The following IFT122 variants were observed in gnomAD, a reference collection of about 807,000 sequenced individuals.
The protein encoded by IFT122 is intraflagellar transport protein 122 homolog.
IFT122 carries 118 observed loss-of-function variants against 161.6 expected under a neutral mutation model. That is an observed-to-expected ratio of 0.73 (90% CI 0.63 to 0.85). The LOEUF (loss-of-function observed/expected upper bound fraction) is 0.85. IFT122 is among the 40% of genes least tolerant of loss of function. IFT122 has a pLI of 0.00. For missense variants in IFT122, 1,381 were observed against 1,579.6 expected (o/e 0.87, Z 2.13); for synonymous variants, 550 against 602.4 (o/e 0.91, Z 1.27).
At chr3:129,491,236 A>C (rs1174655489) in intron 16 of IFT122, among the ~76,000 whole-genome samples, 1 of 152,182 alleles carries the variant, frequency 6.6e-6, no homozygotes, top group Admixed American at 6.5e-5. Context: ...CATGCTGCTG[A>C]GCAGAGGCTG....
At chr3:129,478,290 C>T (rs745679505) in intron 12 of IFT122, 72 bp downstream of exon 12, 19 of 1,319,270 alleles carry the variant, frequency 1.4e-5, no homozygotes, top group Non-Finnish European at 2.1e-5. Context: ...AGGGTGCCCA[C>T]CTCATGGTTT....
At chr3:129,449,839 C>T (rs766189629) in intron 1 of IFT122, 32 bp from the exon 2 acceptor site, 1 of 1,522,874 alleles carries the variant, frequency 6.6e-7, no homozygotes, top group Non-Finnish European at 9.1e-7. Flanking sequence ...ATTTTGGTTC[C>T]TAATTGTCTT....
chr3:129,511,745 A>G (rs1221552243), intron 23 of IFT122, among the ~76,000 whole-genome samples: 1 of 152,080 alleles, frequency 6.6e-6, no homozygotes, highest in Non-Finnish European at 1.5e-5. Flanking sequence ...CAGTTGAGGA[A>G]CTCCGCATGT....
At chr3:129,494,141 T>C (rs2080527303) in intron 17 of IFT122, among the ~76,000 whole-genome samples, 1 of 152,284 alleles carries the variant, frequency 6.6e-6, no homozygotes, top group South Asian at 2.1e-4. Context: ...TTATTGGTCA[T>C]GGTGATATCC....
At chr3:129,461,615 C>A in intron 5 of IFT122, 1 of 427,330 alleles carries the variant, frequency 2.3e-6, no homozygotes, top group Non-Finnish European at 4.4e-6. Flanking sequence ...CTTGGTGTTG[C>A]TGCCTCTGGG....
chr3:129,465,675 G>T (rs1436019002), intron 7 of IFT122, among the ~76,000 whole-genome samples: 2 of 84,774 alleles, frequency 2.4e-5, no homozygotes. Flanking sequence ...TCGCTCTGTC[G>T]CCCAGGCCGG....
rs748049791 is a variant in IFT122, at chr3:129,478,019, G to A, written c.1151G>A (p.Arg384Gln). ...TAGATATTTTTTTCTTTGACAGTTC[G>A]GATTAAATGCAAAGAGCTTGTCAAG... The part of the protein sequence containing the change: ...VQHLITEQKV[R>Q]IKCKELVKKI... The change falls in exon 12 of 30, where the codon CGG becomes CAG. Residue 384 changes from arginine (R) to glutamine (Q), a missense_variant. Transcript: ENST00000348417. The A allele has an allele frequency of 6.2e-6, 10 of 1,613,586 alleles. No homozygotes were observed. Among genetic ancestry groups the A allele is most frequent in the East Asian group, 2.2e-5 (1 of 44,896 alleles).
chr3:129,495,995 G>A lies in IFT122; in HGVS notation c.2208+388G>A, dbSNP rs186977677. On this transcript the variant is annotated intron_variant, in intron 18 of 29. Coordinates refer to ENST00000348417, the MANE Select transcript of IFT122 (RefSeq NM_052989.3). ...GTGTCTTCAGGCAGGAGCCGGTCCT[G>A]CCGATCATGCAGGACGACATGGTGC... Among the ~76,000 whole-genome samples the A allele has an allele frequency of 5.1e-3, 780 of 152,358 alleles. 4 individuals are homozygous for A. The highest frequency in any genetic ancestry group is 8.3e-3 in the Non-Finnish European group (565 of 68,026).
At chr3:129,514,695 C>T in intron 25 of IFT122, 141 bp downstream of exon 25, 1 of 954,178 alleles carries the variant, frequency 1.0e-6, no homozygotes, top group Non-Finnish European at 1.6e-6. Flanking sequence ...CAAGCCTGGC[C>T]ATGCCAGCTC....
At position 129,443,526 on chromosome 3, in the gene IFT122, T is replaced by C. The variant is rs12107431; in HGVS notation, c.41+3155T>C. Among the ~76,000 whole-genome samples, 976 of 152,370 alleles carry C rather than the reference T, an allele frequency of 6.4e-3. 13 individuals carry two copies. The highest frequency in any genetic ancestry group is 0.02 in the African/African-American group (851 of 41,588). ...GCCCTGATGGGCCAGATGGACTGCATGACAAGGTCTAGAGTCCTTTCCAAT... is the reference window on the plus strand; with the variant it reads ...GCCCTGATGGGCCAGATGGACTGCACGACAAGGTCTAGAGTCCTTTCCAAT... On this transcript the variant is annotated intron_variant, in intron 1 of 29. Coordinates refer to ENST00000348417, the MANE Select transcript of IFT122 (RefSeq NM_052989.3).
In IFT122 at chr3:129,491,096, C is replaced by T. The variant is rs757095438; in HGVS notation, c.1993-1045C>T. On this transcript the variant is annotated intron_variant, in intron 16 of 29. Transcript: ENST00000348417. ...GGGACAGGGGCCGAGACATGTTTCT[C>T]CCTGGGTCCTCAGTCTCTTGACAGG... 7.2e-5 allele frequency among the ~76,000 whole-genome samples: 11 copies of T among 152,308 alleles called. No homozygotes were observed. The East Asian group carries it at 9.6e-4, about 13-fold the overall frequency.
intron 9 of IFT122, among the ~76,000 whole-genome samples, chr3:129,470,247 T>C (rs2077222832): frequency 6.6e-6 from 1 of 151,684 alleles, no homozygotes; most frequent in Middle Eastern, 3.2e-3. Flanking sequence ...TTTTTATTTA[T>C]TTATTTATTT....
intron 4 of IFT122, chr3:129,460,753 G>GT (rs1404647676): frequency 3.4e-5 from 31 of 904,882 alleles, no homozygotes; most frequent in East Asian, 3.1e-4. Flanking sequence ...TGTAAGTAAA[G>GT]TATTACCCAC....
chr3:129,480,775 C>T (rs2078544610), intron 13 of IFT122, among the ~76,000 whole-genome samples: 1 of 152,164 alleles, frequency 6.6e-6, no homozygotes, highest in Non-Finnish European at 1.5e-5. Context: ...CACTTTACCT[C>T]TGTGAGGCTG....
chr3:129,450,755 C>T (rs1439376042), intron 2 of IFT122, among the ~76,000 whole-genome samples: 3 of 127,728 alleles, frequency 2.3e-5, no homozygotes, highest in Non-Finnish European at 4.7e-5. Context: ...GAGTCTGGCT[C>T]TGTCGCCCAG....
chr3:129,485,993 C>A (rs2079231365), intron 15 of IFT122, among the ~76,000 whole-genome samples: 1 of 152,244 alleles, frequency 6.6e-6, no homozygotes, highest in Non-Finnish European at 1.5e-5. Flanking sequence ...TGTGCAAGAA[C>A]TGGTTTGTCA....
chr3:129,468,021 C>T (rs2076981176), intron 8 of IFT122, among the ~76,000 whole-genome samples: 2 of 152,230 alleles, frequency 1.3e-5, no homozygotes, highest in African/African-American at 4.8e-5. Flanking sequence ...CATATGTGGC[C>T]TCCCCAAGAG....
chr3:129,499,027 G>A (rs893367007), intron 18 of IFT122, among the ~76,000 whole-genome samples: 73 of 152,322 alleles, frequency 4.8e-4, no homozygotes, highest in Non-Finnish European at 8.5e-4. Flanking sequence ...TGCTGAGGCC[G>A]AAGGAACACA....
chr3:129,496,746 T>A lies in IFT122; in HGVS notation c.2208+1139T>A, dbSNP rs544919592. On this transcript the variant is annotated intron_variant, in intron 18 of 29. Transcript: ENST00000348417. ...ACTCCGTACCTGAGACCCAGGGTGTTCAGGCTCCCTCTACTTTTTCCTCGT... is the reference window on the plus strand; with the variant it reads ...ACTCCGTACCTGAGACCCAGGGTGTACAGGCTCCCTCTACTTTTTCCTCGT... Among the ~76,000 whole-genome samples, 60 of 152,288 alleles carry A rather than the reference T, an allele frequency of 3.9e-4. 1 individual carries two copies. The highest frequency in any genetic ancestry group is 1.4e-3 in the African/African-American group (57 of 41,544).
Sources: allele counts gnomAD v4.1 joint callset (sites outside exome capture counted in the v4.1 genomes callset), GRCh38; gene constraint gnomAD v4.1.1; transcripts MANE v1.5; gene names NCBI Gene and HGNC (gene_info 2026-07-23, HGNC 2026-07-21).